ZNF23: variants seen among roughly 807,000 people sequenced by gnomAD.
ZNF23 encodes the protein kruppel-like zinc finger factor X31.
Under a neutral mutation model 56.2 loss-of-function variants are expected in ZNF23, and 48 were observed. That is an observed-to-expected ratio of 0.85 (90% CI 0.68 to 1.09). The LOEUF (loss-of-function observed/expected upper bound fraction) is 1.09, where lower values mean the gene tolerates loss of function less well. Among genes scored for constraint, ZNF23 ranks in the 50% least tolerant of loss-of-function variants. The pLI is 0.00. For missense variants in ZNF23, 805 were observed against 811.4 expected, an observed-to-expected ratio of 0.99 and a Z score of 0.10; for synonymous variants, 266 against 283.3, an observed-to-expected ratio of 0.94 and a Z score of 0.61.
At chr16:71,455,370 T>TC (rs1440814820) in intron 2 of ZNF23, among the ~76,000 whole-genome samples, 2 of 152,076 alleles carry the variant, frequency 1.3e-5, no homozygotes, top group Non-Finnish European at 2.9e-5. Context: ...TTTTTTTTTT[T>TC]CTTTGAGTTG....
chr16:71,461,728 C>T (rs2043465498), intron 1 of ZNF23: 1 of 152,204 alleles, frequency 6.6e-6, no homozygotes, highest in Non-Finnish European at 1.5e-5. Flanking sequence ...TGCCGGGTGA[C>T]TGGGAGGGGC....
In ZNF23 at chr16:71,453,159, A is replaced by T. The variant is rs950057176; in HGVS notation, c.268+84T>A. 29 of 957,558 alleles carry T rather than the reference A, an allele frequency of 3.0e-5. No homozygotes were observed. In the African/African-American group the frequency reaches 4.5e-4, roughly 15 times the overall value. 59.3% of individuals were successfully genotyped at this position (957,558 alleles called of 1,614,324 possible). A position where few individuals can be genotyped will look rare whatever the true frequency, so the allele number is the denominator to read the frequency against. On this transcript the variant is annotated intron_variant, in intron 4 of 4. Transcript: ENST00000647773. ...CACTCTGTATGACTGGCCAATAAAC[A>T]CAGTATGTTTATATGTTGCTAAAGC... is the stretch of plus-strand genomic sequence containing the variant.
At chr16:71,454,320 C>G (rs1016226739) in intron 2 of ZNF23, 152 bp from the exon 3 acceptor site, 5 of 1,074,194 alleles carry the variant, frequency 4.7e-6, no homozygotes, top group African/African-American at 1.6e-5. Context: ...AAAAAAATAT[C>G]GAGAAAGTAA....
At chr16:71,454,948 C>G (rs1030332008) in intron 2 of ZNF23, among the ~76,000 whole-genome samples, 8 of 152,166 alleles carry the variant, frequency 5.3e-5, no homozygotes, top group African/African-American at 1.9e-4. Flanking sequence ...GCCCAACCAC[C>G]CCTCCTGGGC....
chr16:71,448,938 G>A lies in ZNF23; in HGVS notation c.1216C>T (p.Pro406Ser), dbSNP rs1215362316. The A allele has an allele frequency of 6.2e-7, 1 of 1,614,204 alleles. No homozygotes were observed. Among genetic ancestry groups the A allele is most frequent in the South Asian group, 1.1e-5 (1 of 91,084 alleles). Reference sequence around the variant, plus strand: ...TTTCCACACTCTTTACACTGATAGGGCTTTTCTCCTGTGTGGATGCTCTGA... The same window carrying A: ...TTTCCACACTCTTTACACTGATAGGACTTTTCTCCTGTGTGGATGCTCTGA... ...QHQSIHTGEKPYQCKECGKGF... is the reference protein window; with the variant it reads ...QHQSIHTGEKSYQCKECGKGF... The change falls in exon 5 of 5, where the codon CCC becomes TCC. Residue 406 changes from proline (P) to serine (S), a missense_variant. Physicochemically the swap from Pro to Ser is moderately conservative, Grantham distance 74. Coordinates refer to ENST00000647773, the MANE Select transcript of ZNF23 (RefSeq NM_001381984.1).
At position 71,448,783 on chromosome 16, in the gene ZNF23, G is replaced by A. The variant is rs752564976; in HGVS notation, c.1371C>T (p.His457=). The change falls in exon 5 of 5, where the codon CAC becomes CAT. Residue 457 remains histidine (H), a synonymous_variant. Transcript: ENST00000647773. ...TACACTCATAGGGTTTCTCGCCTGT[G>A]TGAATTCTCTGGTGTTGGATTAACT... The part of the protein sequence containing the change: ...KGKLIQHQRI[H]TGEKPYECNE... The A allele has an allele frequency of 1.3e-5, 21 of 1,614,086 alleles. No individual in the cohort carries two copies. The East Asian group carries it at 4.7e-4, about 36-fold the overall frequency.
chr16:71,458,800 A>G (rs557431955), intron 1 of ZNF23, among the ~76,000 whole-genome samples: 1 of 152,236 alleles, frequency 6.6e-6, no homozygotes, highest in East Asian at 1.9e-4. Flanking sequence ...CTGGACTTCC[A>G]GTCTCCAGGA....
chr16:71,449,201 G>A lies in ZNF23; in HGVS notation c.953C>T (p.Thr318Met), dbSNP rs138342039. Reference sequence around the variant, plus strand: ...CTTGCACTGATAGGGCTTCTCTCCCGTATGGATTCTCTGATGCCTACTTAG... The same window carrying A: ...CTTGCACTGATAGGGCTTCTCTCCCATATGGATTCTCTGATGCCTACTTAG... ...GSLSRHQRIH[T>M]GEKPYQCKEC... Residue 318 changes from threonine to methionine, a missense_variant, in exon 5 of 5, where the codon ACG becomes ATG. Thr to Met is a moderately conservative substitution (Grantham distance 81). Transcript: ENST00000647773. The A allele has an allele frequency of 1.6e-4, 252 of 1,613,910 alleles. No individual in the cohort carries two copies. The highest frequency in any genetic ancestry group is 1.9e-4 in the Non-Finnish European group (222 of 1,179,998).
intron 1 of ZNF23, among the ~76,000 whole-genome samples, chr16:71,458,676 C>T (rs2043326568): frequency 6.6e-6 from 1 of 152,136 alleles, no homozygotes; most frequent in Admixed American, 6.5e-5. Flanking sequence ...GACCCAGAGC[C>T]CACGAAACCA....
intron 1 of ZNF23, among the ~76,000 whole-genome samples, chr16:71,461,052 C>CA (rs60925339): frequency 1.6e-4 from 23 of 148,382 alleles, no homozygotes; most frequent in East Asian, 7.9e-4. Flanking sequence ...ATATGAAGCT[C>CA]AAAAAAAAAA....
Position 71,449,218 on chromosome 16 carries a change from C to T in ZNF23, c.936G>A (p.Arg312=). Residue 312 remains arginine, a synonymous_variant, in exon 5 of 5, where the codon AGG becomes AGA. Transcript: ENST00000647773. ...TCTCTCCCGTATGGATTCTCTGATG[C>T]CTACTTAGGCTTCCATTAACACTGA... The part of the protein sequence containing the change: ...KAFSVNGSLS[R]HQRIHTGEKP... 6.2e-7 allele frequency: 1 copy of T among 1,614,074 alleles called. No homozygotes were observed. The highest frequency in any genetic ancestry group is 8.5e-7 in the Non-Finnish European group (1 of 1,179,980).
intron 4 of ZNF23, 198 bp from the exon 5 acceptor site, chr16:71,450,083 C>T: frequency 6.6e-6 from 3 of 451,568 alleles, no homozygotes; most frequent in Admixed American, 3.9e-5. Context: ...TCCATATATG[C>T]TGACGTAAAA....
chr16:71,458,655 G>C (rs1378580483), intron 1 of ZNF23, among the ~76,000 whole-genome samples: 1 of 152,102 alleles, frequency 6.6e-6, no homozygotes, highest in Non-Finnish European at 1.5e-5. Flanking sequence ...GCCTTTACAA[G>C]AAGAAGGAGA....
At position 71,449,185 on chromosome 16, in the gene ZNF23, A is replaced by G. The variant is rs1567560159; in HGVS notation, c.969T>C (p.Tyr323=). 3 of 1,614,122 alleles carry G rather than the reference A, an allele frequency of 1.9e-6. No homozygotes were observed. Among genetic ancestry groups the G allele is most frequent in the Non-Finnish European group, 2.5e-6 (3 of 1,180,024 alleles). ...AGCCATTTCCACATTCCTTGCACTG[A>G]TAGGGCTTCTCTCCCGTATGGATTC... ...HQRIHTGEKP[Y]QCKECGNGFS... The change falls in exon 5 of 5, where the codon TAT becomes TAC. Residue 323 remains tyrosine (Y), a synonymous_variant. Transcript: ENST00000647773.
At position 71,454,088 on chromosome 16, in the gene ZNF23, C is replaced by A. The variant is rs370874791; in HGVS notation, c.114G>T (p.Leu38=). 2 of 1,614,006 alleles carry A rather than the reference C, an allele frequency of 1.2e-6. No homozygotes were observed. The highest frequency in any genetic ancestry group is 2.7e-5 in the African/African-American group (2 of 74,908). The change falls in exon 3 of 5, where the codon CTG becomes CTT. Residue 38 remains leucine, a synonymous_variant. Transcript: ENST00000647773. ...WDGLSPAQRT[L]YRDVMLENYG... ...AATTCTCCAGCATCACATCCCTGTA[C>A]AGGGTCCTCTGTGCAGGGGACAGGC...
At chr16:71,456,550 G>A in intron 2 of ZNF23, 1 of 277,582 alleles carries the variant, frequency 3.6e-6, no homozygotes, top group Non-Finnish European at 5.5e-6. Context: ...GTGTGCAGAA[G>A]ACCACCACCC....
In ZNF23 at chr16:71,449,569, A is replaced by T. The variant is rs777460698; in HGVS notation, c.585T>A (p.Asp195Glu). Residue 195 changes from aspartate (D) to glutamate (E), a missense_variant, in exon 5 of 5, where the codon GAT becomes GAA. Asp to Glu is a conservative substitution (Grantham distance 45). Coordinates refer to ENST00000647773, the MANE Select transcript of ZNF23 (RefSeq NM_001381984.1). ...TTATTTCATGCTTCACGAGTTTTGT[A>T]TCAAAGCTGATGGATTTCCCCAATC... ...CTGLGKSISF[D>E]TKLVKHEIIN... The T allele has an allele frequency of 6.2e-7, 1 of 1,614,122 alleles. No homozygotes were observed. The highest frequency in any genetic ancestry group is 1.3e-5 in the African/African-American group (1 of 75,044).
At chr16:71,457,282 A>G (rs1441223412) in intron 1 of ZNF23, among the ~76,000 whole-genome samples, 1 of 151,730 alleles carries the variant, frequency 6.6e-6, no homozygotes, top group African/African-American at 2.4e-5. Flanking sequence ...TACAAAAATT[A>G]GGCTGGGCGC....
At chr16:71,458,165 C>T (rs951595175) in intron 1 of ZNF23, among the ~76,000 whole-genome samples, 2 of 152,250 alleles carry the variant, frequency 1.3e-5, no homozygotes, top group Non-Finnish European at 2.9e-5. Context: ...CCAAGGCCTA[C>T]ACTTCTGCGT....
Sources: allele counts gnomAD v4.1 joint callset (sites outside exome capture counted in the v4.1 genomes callset), GRCh38; gene constraint gnomAD v4.1.1; transcripts MANE v1.5; gene names NCBI Gene and HGNC (gene_info 2026-07-23, HGNC 2026-07-21).